ATRNL1: variants seen among roughly 807,000 people sequenced by gnomAD.
The protein encoded by ATRNL1 is attractin like 1.
ATRNL1 carries 95 observed loss-of-function variants against 182.7 expected under a neutral mutation model. The observed-to-expected ratio is 0.52, with a 90% CI of 0.44 to 0.62. ATRNL1 has a LOEUF of 0.62. Among genes scored for constraint, ATRNL1 ranks in the 20% least tolerant of loss-of-function variants. The probability of loss-of-function intolerance (pLI) is 0.00; values close to 1 mark genes in which losing one functional copy is unlikely to be tolerated. For missense variants in ATRNL1, 1,471 were observed against 1,679.5 expected (o/e 0.88, Z 2.17); for synonymous variants, 576 against 568.3 (o/e 1.01, Z -0.19).
chr10:115,239,675 A>G (rs1317726160), intron 9 of ATRNL1, among the ~76,000 whole-genome samples: 1 of 152,128 alleles, frequency 6.6e-6, no homozygotes, highest in Non-Finnish European at 1.5e-5. Flanking sequence ...AGATGGGGAT[A>G]GTAGTCTCTG....
At chr10:115,233,288 G>A (rs568168527) in intron 9 of ATRNL1, among the ~76,000 whole-genome samples, 4 of 152,116 alleles carry the variant, frequency 2.6e-5, no homozygotes, top group African/African-American at 7.2e-5. Context: ...AACAATTTTG[G>A]GAGGACAGTA....
chr10:115,844,848 C>T (rs1453718463), intron 27 of ATRNL1, among the ~76,000 whole-genome samples: 3 of 152,040 alleles, frequency 2.0e-5, no homozygotes, highest in African/African-American at 7.2e-5. Flanking sequence ...TGATAAATTG[C>T]ACAGCTCAGT....
At chr10:115,486,199 T>C (rs1554975104) in intron 24 of ATRNL1, among the ~76,000 whole-genome samples, 1 of 152,194 alleles carries the variant, frequency 6.6e-6, no homozygotes, top group East Asian at 1.9e-4. Context: ...AGTGCCGCAA[T>C]AAACATCTGT....
At position 115,614,799 on chromosome 10, in the gene ATRNL1, C is replaced by T. The variant is rs80111460; in HGVS notation, c.3795+65263C>T. 4.2e-3 allele frequency among the ~76,000 whole-genome samples: 634 copies of T among 152,146 alleles called. 22 individuals carry two copies. In the East Asian group the frequency reaches 0.091, roughly 22 times the overall value. The stretch of plus-strand genomic sequence containing the variant: ...TGCCTTATTTGTCCCTTTTGTTCTT[C>T]GACTTAAAATATCTATTTTGTCTGA... On this transcript the variant is annotated intron_variant, in intron 26 of 28. Coordinates refer to ENST00000355044, the MANE Select transcript of ATRNL1 (RefSeq NM_207303.4).
intron 25 of ATRNL1, among the ~76,000 whole-genome samples, chr10:115,528,722 C>A (rs11197266): frequency 1.3e-5 from 2 of 151,872 alleles, no homozygotes; most frequent in Admixed American, 1.3e-4. Flanking sequence ...AGTTAAGTTG[C>A]GTATTTGAGA....
intron 19 of ATRNL1, among the ~76,000 whole-genome samples, chr10:115,386,736 C>T (rs1858375913): frequency 6.6e-6 from 1 of 151,110 alleles, no homozygotes; most frequent in South Asian, 2.1e-4. Flanking sequence ...CATATGTATA[C>T]ATGTGCCATG....
At chr10:115,765,385 A>G (rs535436491) in intron 27 of ATRNL1, among the ~76,000 whole-genome samples, 19 of 152,148 alleles carry the variant, frequency 1.2e-4, no homozygotes, top group Non-Finnish European at 2.8e-4. Flanking sequence ...ATAGTATCTC[A>G]TTGCTGTTTT....
chr10:115,573,932 G>A (rs1854553400), intron 26 of ATRNL1, among the ~76,000 whole-genome samples: 1 of 152,118 alleles, frequency 6.6e-6, no homozygotes, highest in African/African-American at 2.4e-5. Context: ...TAAGAAAAGA[G>A]TTGAAAGACA....
At chr10:115,256,998 T>A (rs1350851372) in intron 10 of ATRNL1, among the ~76,000 whole-genome samples, 1 of 152,150 alleles carries the variant, frequency 6.6e-6, no homozygotes, top group Admixed American at 6.5e-5. Flanking sequence ...TGAGAGACAG[T>A]TTTTTTGTGA....
chr10:115,638,014 C>A (rs1299862520), intron 26 of ATRNL1, among the ~76,000 whole-genome samples: 1 of 151,944 alleles, frequency 6.6e-6, no homozygotes. Context: ...TTTATAAAGT[C>A]TACTATACAG....
At chr10:115,191,876 C>T (rs1303083074) in intron 8 of ATRNL1, among the ~76,000 whole-genome samples, 2 of 151,970 alleles carry the variant, frequency 1.3e-5, no homozygotes, top group East Asian at 1.9e-4. Flanking sequence ...AGTGTGAAAA[C>T]GGGCTAATAA....
chr10:115,634,703 A>T (rs1323256959), intron 26 of ATRNL1, among the ~76,000 whole-genome samples: 1 of 152,118 alleles, frequency 6.6e-6, no homozygotes, highest in Non-Finnish European at 1.5e-5. Context: ...TATTTATATG[A>T]TTTTTTACTG....
At chr10:115,785,128 C>T (rs190442848) in intron 27 of ATRNL1, among the ~76,000 whole-genome samples, 5 of 152,308 alleles carry the variant, frequency 3.3e-5, no homozygotes, top group Non-Finnish European at 7.4e-5. Flanking sequence ...GGCAAAACCC[C>T]TCTCCATCGG....
chr10:115,257,339 T>C (rs1416871397), intron 10 of ATRNL1, among the ~76,000 whole-genome samples: 1 of 152,242 alleles, frequency 6.6e-6, no homozygotes, highest in South Asian at 2.1e-4. Flanking sequence ...ATATTTATCA[T>C]AGTTAGCTCT....
rs76057608 is a variant in ATRNL1, at chr10:115,449,607, C to T, written c.3323-12334C>T. Reference sequence around the variant, plus strand: ...TGGGGCTTCAGGGGTTGTGGGTACCCCCCAGACACTGCCATGGGGCTGCAC... The same window carrying T: ...TGGGGCTTCAGGGGTTGTGGGTACCTCCCAGACACTGCCATGGGGCTGCAC... On this transcript the variant is annotated intron_variant, in intron 21 of 28. Transcript: ENST00000355044. 8.6e-3 allele frequency among the ~76,000 whole-genome samples: 1,303 copies of T among 152,240 alleles called. 20 individuals are homozygous for T. The highest frequency in any genetic ancestry group is 0.028 in the African/African-American group (1,154 of 41,538).
chr10:115,730,516 GT>G (rs1262629896), intron 27 of ATRNL1, among the ~76,000 whole-genome samples: 1 of 151,866 alleles, frequency 6.6e-6, no homozygotes, highest in Non-Finnish European at 1.5e-5. Context: ...CTTTCTCAGT[GT>G]TCATACATTT....
intron 26 of ATRNL1, among the ~76,000 whole-genome samples, chr10:115,588,858 G>A (rs1855739023): frequency 6.6e-6 from 1 of 152,208 alleles, no homozygotes; most frequent in Non-Finnish European, 1.5e-5. Context: ...CCATCTTGCA[G>A]ATATTACCAC....
chr10:115,823,790 A>G (rs1950359833), intron 27 of ATRNL1, among the ~76,000 whole-genome samples: 1 of 152,174 alleles, frequency 6.6e-6, no homozygotes, highest in Non-Finnish European at 1.5e-5. Flanking sequence ...ACACAAACAA[A>G]TGGAAAAACA....
intron 26 of ATRNL1, among the ~76,000 whole-genome samples, chr10:115,705,779 G>A (rs2420108): frequency 0.38 from 56,944 of 151,658 alleles, 11,541 homozygotes; most frequent in East Asian, 0.59. Flanking sequence ...GAATTACCAG[G>A]TCAGACCACA....
Sources: allele counts gnomAD v4.1 joint callset (sites outside exome capture counted in the v4.1 genomes callset), GRCh38; gene constraint gnomAD v4.1.1; transcripts MANE v1.5; gene names NCBI Gene and HGNC (gene_info 2026-07-23, HGNC 2026-07-21).